Variants in MRAP2 observed in about 807,000 individuals in gnomAD.
MRAP2 encodes melanocortin-2 receptor accessory protein 2.
A neutral mutation model predicts 17.4 loss-of-function variants in MRAP2; 20 were observed. The observed-to-expected ratio is 1.15, with a 90% confidence interval of 0.81 to 1.67. The LOEUF (loss-of-function observed/expected upper bound fraction) is 1.67, where lower values mean the gene tolerates loss of function less well. Among genes scored for constraint, MRAP2 ranks in the 40% most tolerant of loss-of-function variants. The probability of loss-of-function intolerance (pLI) is 0.00; values close to 1 mark genes in which losing one functional copy is unlikely to be tolerated. For synonymous variants in MRAP2, 96 were observed against 88.4 expected, an observed-to-expected ratio of 1.09 and a Z score of -0.48; for missense variants, 238 against 240.0, an observed-to-expected ratio of 0.99 and a Z score of 0.05.
At chr6:84,116,331 T>C in the MRAP2 span, among the ~76,000 whole-genome samples, 2 of 152,162 alleles carry the variant, frequency 1.3e-5, no homozygotes, top group Admixed American at 1.3e-4. Flanking sequence ...GTTATCGTGA[T>C]AGTAAGTCTC....
the MRAP2 span, among the ~76,000 whole-genome samples, chr6:84,141,136 G>A: frequency 3.3e-5 from 5 of 152,146 alleles, no homozygotes; most frequent in Non-Finnish European, 7.3e-5. Flanking sequence ...GAGAGGCCTG[G>A]TTCCTAACAG....
intron 3 of MRAP2, among the ~76,000 whole-genome samples, chr6:84,070,750 G>A (rs2099496007): frequency 6.6e-6 from 1 of 152,192 alleles, no homozygotes; most frequent in Non-Finnish European, 1.5e-5. Flanking sequence ...GAGCTCCAGT[G>A]TTAGGTGCAT....
downstream of MRAP2, among the ~76,000 whole-genome samples, chr6:84,092,155 A>C (rs1213288651): frequency 6.6e-6 from 1 of 152,088 alleles, no homozygotes; most frequent in Non-Finnish European, 1.5e-5. Flanking sequence ...CTTCTCTCTT[A>C]TAAGGACCTT....
intron 2 of MRAP2, chr6:84,061,940 G>A (rs2099493281): frequency 2.0e-6 from 2 of 985,336 alleles, no homozygotes; most frequent in African/African-American, 3.5e-5. Flanking sequence ...CATCAGGGCT[G>A]TGATTAAAGC....
chr6:84,125,499 C>T, the MRAP2 span, among the ~76,000 whole-genome samples: 1 of 152,058 alleles, frequency 6.6e-6, no homozygotes, highest in Non-Finnish European at 1.5e-5. Context: ...GTTGAATTTC[C>T]TAACCCTTAA....
the MRAP2 span, among the ~76,000 whole-genome samples, chr6:84,102,699 A>G: frequency 6.6e-6 from 1 of 152,116 alleles, no homozygotes; most frequent in South Asian, 2.1e-4. Context: ...TATAGGGAGG[A>G]TTTATGTAAG....
chr6:84,074,929 A>G (rs2099497196), intron 3 of MRAP2, among the ~76,000 whole-genome samples: 1 of 152,186 alleles, frequency 6.6e-6, no homozygotes, highest in Non-Finnish European at 1.5e-5. Context: ...AATTTCTGGA[A>G]TCACTAACTA....
At chr6:84,128,041 A>T in the MRAP2 span, among the ~76,000 whole-genome samples, 9 of 152,216 alleles carry the variant, frequency 5.9e-5, no homozygotes, top group Non-Finnish European at 1.3e-4. Context: ...CCTCACATAA[A>T]ATGTAAGCTT....
chr6:84,127,158 C>A, the MRAP2 span, among the ~76,000 whole-genome samples: 5 of 152,040 alleles, frequency 3.3e-5, no homozygotes, highest in African/African-American at 9.7e-5. Context: ...CTTGGGAAAA[C>A]AATTAATTGT....
intron 1 of MRAP2, among the ~76,000 whole-genome samples, chr6:84,045,627 G>T (rs188149974): frequency 1.2e-4 from 19 of 152,228 alleles, no homozygotes; most frequent in African/African-American, 4.6e-4. Flanking sequence ...GCTGGGCGTG[G>T]TAGTGCACGT....
At chr6:84,057,632 A>G (rs746713199) in intron 2 of MRAP2, among the ~76,000 whole-genome samples, 2 of 152,178 alleles carry the variant, frequency 1.3e-5, no homozygotes, top group Non-Finnish European at 2.9e-5. Context: ...CATTCATTCA[A>G]TATATATTTA....
chr6:84,044,113 C>G (rs1039650073), intron 1 of MRAP2, among the ~76,000 whole-genome samples: 1 of 152,146 alleles, frequency 6.6e-6, no homozygotes. Flanking sequence ...TTAGTTTCAG[C>G]ACCTATATGA....
chr6:84,108,785 T>A, the MRAP2 span, among the ~76,000 whole-genome samples: 1 of 152,232 alleles, frequency 6.6e-6, no homozygotes, highest in African/African-American at 2.4e-5. Context: ...CTAGGTTTTC[T>A]TACAGGGTTT....
the MRAP2 span, among the ~76,000 whole-genome samples, chr6:84,128,856 C>T: frequency 6.6e-6 from 1 of 151,674 alleles, no homozygotes; most frequent in African/African-American, 2.4e-5. Flanking sequence ...CCCAACCCCC[C>T]GACAGGCCCC....
chr6:84,087,670 A>C (rs565966379), intron 3 of MRAP2, among the ~76,000 whole-genome samples: 25 of 152,340 alleles, frequency 1.6e-4, no homozygotes, highest in African/African-American at 5.8e-4. Context: ...AGTCTCTCTA[A>C]AATGATTTTC....
At chr6:84,108,674 TTTAG>T in the MRAP2 span, among the ~76,000 whole-genome samples, 14 of 152,352 alleles carry the variant, frequency 9.2e-5, no homozygotes, top group Admixed American at 2.6e-4. Context: ...GAAGAAGCTC[TTTAG>T]TTAGATCCCA....
rs1300674160 is a variant in MRAP2 at position 84,033,779 on chromosome 6, C to G, written c.-112C>G. 1.0e-6 allele frequency: 1 copy of G among 986,240 alleles called. No individual in the cohort carries two copies. The highest frequency in any genetic ancestry group is 1.2e-6 in the Non-Finnish European group (1 of 830,238). 61.1% of individuals were successfully genotyped at this position (986,240 alleles called of 1,614,324 possible). Reference sequence around the variant, plus strand: ...ACCTCGGATCTAGGAGCTACTCGCCCGGCCCTGGGCGGTGGGAGGCGGCGG... The same window carrying G: ...ACCTCGGATCTAGGAGCTACTCGCCGGGCCCTGGGCGGTGGGAGGCGGCGG... On this transcript the variant is annotated 5_prime_UTR_variant, in exon 1 of 4. Transcript: ENST00000257776.
At chr6:84,051,202 A>G (rs758011964) in intron 1 of MRAP2, among the ~76,000 whole-genome samples, 13 of 152,220 alleles carry the variant, frequency 8.5e-5, no homozygotes, top group Non-Finnish European at 1.5e-4. Context: ...GAGAAGTTCT[A>G]TGTCTGAGTA....
chr6:84,132,832 G>T, the MRAP2 span, among the ~76,000 whole-genome samples: 13 of 152,030 alleles, frequency 8.6e-5, no homozygotes, highest in Admixed American at 7.9e-4. Flanking sequence ...CTGATCTTCT[G>T]AGGCCTACTT....
Sources: allele counts gnomAD v4.1 joint callset (sites outside exome capture counted in the v4.1 genomes callset), GRCh38; gene constraint gnomAD v4.1.1; transcripts MANE v1.5; gene names NCBI Gene and HGNC (gene_info 2026-07-23, HGNC 2026-07-21).